Variants in TNFRSF10A observed in about 807,000 individuals in gnomAD.
The protein encoded by TNFRSF10A is tumor necrosis factor receptor superfamily member 10A.
In TNFRSF10A, 44 loss-of-function variants were observed where a neutral mutation model predicts 42.8. The ratio of observed to expected loss-of-function variants is 1.03; its 90% confidence interval spans 0.81 to 1.32. The LOEUF (loss-of-function observed/expected upper bound fraction) is 1.32. Ranked by LOEUF, TNFRSF10A falls within the 40% of genes most tolerant of loss-of-function variation. The pLI is 0.00. For missense variants in TNFRSF10A, 680 were observed against 602.0 expected, an observed-to-expected ratio of 1.13 and a Z score of -1.36; for synonymous variants, 259 against 234.2, an observed-to-expected ratio of 1.11 and a Z score of -0.97.
At chr8:23,217,142 C>T (rs1294645979) in intron 1 of TNFRSF10A, among the ~76,000 whole-genome samples, 1 of 152,122 alleles carries the variant, frequency 6.6e-6, no homozygotes, top group African/African-American at 2.4e-5. Flanking sequence ...TCCTTTTGAG[C>T]GTTGCTTCAT....
intron 2 of TNFRSF10A, among the ~76,000 whole-genome samples, chr8:23,207,696 C>A (rs978387508): frequency 2.6e-5 from 4 of 152,036 alleles, no homozygotes; most frequent in African/African-American, 9.7e-5. Flanking sequence ...ATGAGTAAGT[C>A]TCATAAGATC....
chr8:23,193,073 C>G (rs1800777319), intron 9 of TNFRSF10A, among the ~76,000 whole-genome samples: 1 of 152,210 alleles, frequency 6.6e-6, no homozygotes, highest in Admixed American at 6.5e-5. Context: ...CAGGGAGATA[C>G]AGTTGAGACT....
At position 23,202,858 on chromosome 8, in the gene TNFRSF10A, C is replaced by T. The variant is rs1485219591; in HGVS notation, c.404-97G>A. On this transcript the variant is annotated intron_variant, in intron 2 of 9. Coordinates refer to ENST00000221132, the MANE Select transcript of TNFRSF10A (RefSeq NM_003844.4). ...AACTCTTCTTTTGGCCATCAGTAGACCCCAGACAGAGAAATCCCATCTTCT... is the reference window on the plus strand; with the variant it reads ...AACTCTTCTTTTGGCCATCAGTAGATCCCAGACAGAGAAATCCCATCTTCT... 8 of 777,510 alleles carry T rather than the reference C, an allele frequency of 1.0e-5. No individual in the cohort carries two copies. The Admixed American group carries it at 1.4e-4, about 14-fold the overall frequency. The allele number at this position is 777,510 out of a possible 1,614,324, so 48.2% of individuals were successfully genotyped here.
intron 2 of TNFRSF10A, among the ~76,000 whole-genome samples, chr8:23,210,497 C>A (rs150804531): frequency 6.6e-6 from 1 of 151,938 alleles, no homozygotes; most frequent in Admixed American, 6.6e-5. Flanking sequence ...CTGGTTAACA[C>A]GGTGAAACCC....
intron 2 of TNFRSF10A, chr8:23,207,456 T>A (rs990993827): frequency 8.2e-5 from 36 of 441,468 alleles, no homozygotes; most frequent in African/African-American, 2.0e-5. Flanking sequence ...TACCACTGAA[T>A]GATACCAACC....
chr8:23,221,200 C>A (rs1252243041), intron 1 of TNFRSF10A, among the ~76,000 whole-genome samples: 1 of 152,182 alleles, frequency 6.6e-6, no homozygotes, highest in Non-Finnish European at 1.5e-5. Flanking sequence ...CAGCCCTGAG[C>A]ATGTGATTTG....
intron 2 of TNFRSF10A, 68 bp from the exon 3 acceptor site, chr8:23,202,829 AG>A: frequency 9.0e-7 from 1 of 1,117,168 alleles, no homozygotes; most frequent in Non-Finnish European, 1.4e-6. Context: ...GGCGGTGGCT[AG>A]GAAACTCTTC....
At position 23,202,775 on chromosome 8, in the gene TNFRSF10A, G is replaced by C. The variant is rs1375908347; in HGVS notation, c.404-14C>G. 9 of 1,584,684 alleles carry C rather than the reference G, an allele frequency of 5.7e-6. No individual in the cohort carries two copies. The highest frequency in any genetic ancestry group is 7.8e-6 in the Non-Finnish European group (9 of 1,153,690). ...ATCTATGAGATCCTGGGAAGGGAGA[G>C]AAAAGCCAATGAATGAATTGCCACA... On this transcript the variant is annotated splice_polypyrimidine_tract_variant and intron_variant, in intron 2 of 9. Coordinates refer to ENST00000221132, the MANE Select transcript of TNFRSF10A (RefSeq NM_003844.4).
In TNFRSF10A at chr8:23,200,487, C is replaced by A. The variant is rs769573287; in HGVS notation, c.799+18G>T. On this transcript the variant is annotated intron_variant, in intron 6 of 9. Coordinates refer to ENST00000221132, the MANE Select transcript of TNFRSF10A (RefSeq NM_003844.4). The stretch of plus-strand genomic sequence containing the variant: ...GGGCAGAGAGTGCCCAGAGCCCTTG[C>A]CCTCAGCCAGCACCTACCTGAGCCG... The A allele has an allele frequency of 1.1e-5, 17 of 1,613,768 alleles. No individual in the cohort carries two copies. The South Asian group carries it at 1.8e-4, about 17-fold the overall frequency.
At position 23,224,953 on chromosome 8, in the gene TNFRSF10A, C is replaced by T. The variant is rs943381828; in HGVS notation, c.109G>A (p.Val37Met). 18 of 1,600,472 alleles carry T rather than the reference C, an allele frequency of 1.1e-5. No individual in the cohort carries two copies. The highest frequency in any genetic ancestry group is 1.5e-5 in the Non-Finnish European group (18 of 1,173,638). The change falls in exon 1 of 10, where the codon GTG becomes ATG. Residue 37 changes from valine to methionine, a missense_variant. Transcript: ENST00000221132. The stretch of plus-strand genomic sequence containing the variant: ...ATCCTCCCCGCGGAAGAGCCCCACA[C>T]TTTGCTGGGTGTGGCCGCGGCTGCC... ...TEAAAATPSK[V>M]WGSSAGRIEP... is the part of the protein sequence containing the mutation.
chr8:23,224,282 A>G (rs1801298152), intron 1 of TNFRSF10A, among the ~76,000 whole-genome samples: 1 of 137,764 alleles, frequency 7.3e-6, no homozygotes, highest in African/African-American at 2.8e-5. Context: ...CCTGGGCGAC[A>G]GAGAGAGACT....
chr8:23,217,902 C>G (rs1801206606), intron 1 of TNFRSF10A, among the ~76,000 whole-genome samples: 1 of 152,176 alleles, frequency 6.6e-6, no homozygotes, highest in Non-Finnish European at 1.5e-5. Flanking sequence ...GCAGAGGTGA[C>G]AAATGCCACT....
chr8:23,214,052 AG>A (rs1000256730), intron 1 of TNFRSF10A, among the ~76,000 whole-genome samples: 2 of 150,266 alleles, frequency 1.3e-5, no homozygotes, highest in Non-Finnish European at 3.0e-5. Flanking sequence ...TTCTTTTTTG[AG>A]GGGGGTGGGG....
At chr8:23,210,813 C>G (rs986511950) in intron 2 of TNFRSF10A, among the ~76,000 whole-genome samples, 3 of 152,038 alleles carry the variant, frequency 2.0e-5, no homozygotes, top group Non-Finnish European at 2.9e-5. Flanking sequence ...AGAATGAAAA[C>G]CAAAAGTCAC....
In TNFRSF10A at chr8:23,206,835, AG is replaced by A. The variant is rs943721535; in HGVS notation, c.404-4075del. The A allele has an allele frequency of 2.7e-3, 446 of 165,414 alleles. 2 individuals carry two copies. The highest frequency in any genetic ancestry group is 0.01 in the African/African-American group (434 of 41,938). The allele number at this position is 165,414 out of a possible 1,614,324, so 10.2% of individuals were successfully genotyped here. A position where few individuals can be genotyped will look rare whatever the true frequency, so the allele number is the denominator to read the frequency against. On this transcript the variant is annotated intron_variant, in intron 2 of 9. Transcript: ENST00000221132. ...TACTGAAACTGAATCAAGATGAAAG[AG>A]ACAATGTGAATAGACATATAGCAAG...
intron 8 of TNFRSF10A, 121 bp downstream of exon 8, chr8:23,199,145 G>A (rs895845030): frequency 2.4e-5 from 30 of 1,242,840 alleles, no homozygotes; most frequent in Non-Finnish European, 3.3e-5. Context: ...TTTTTCCCAC[G>A]CAGCCCCGTC....
Position 23,200,748 on chromosome 8 carries a change from C to T in TNFRSF10A, c.642G>A (p.Gly214=). Residue 214 remains glycine, a synonymous_variant, in exon 5 of 10, where the codon GGG becomes GGA. Transcript: ENST00000221132. ...CRKCSRGCPR[G]MVKVKDCTPW... is the part of the protein sequence containing the mutation. ...GCGTACAATCCTTGACCTTGACCAT[C>T]CCTCTGGGGCACCTGGGTACACACA... 1.2e-6 allele frequency: 2 copies of T among 1,613,854 alleles called. No homozygotes were observed. Among genetic ancestry groups the T allele is most frequent in the Non-Finnish European group, 1.7e-6 (2 of 1,179,922 alleles).
intron 2 of TNFRSF10A, among the ~76,000 whole-genome samples, chr8:23,205,223 C>T (rs1378507393): frequency 9.2e-5 from 14 of 152,040 alleles, no homozygotes; most frequent in African/African-American, 2.4e-4. Flanking sequence ...ATTATAGTCA[C>T]GCACTGCATG....
At chr8:23,212,666 C>T (rs908273831) in intron 1 of TNFRSF10A, among the ~76,000 whole-genome samples, 21 of 152,202 alleles carry the variant, frequency 1.4e-4, no homozygotes, top group Admixed American at 5.9e-4. Context: ...GCTATGAACA[C>T]GGGTGTACAA....
Sources: gnomAD v4.1 joint callset for allele counts (sites outside exome capture counted in the v4.1 genomes callset) on GRCh38, gnomAD v4.1.1 for gene constraint, MANE v1.5 for transcripts, NCBI Gene and HGNC (gene_info 2026-07-23, HGNC 2026-07-21) for gene names.